C1QTNF3: variants seen among roughly 807,000 people sequenced by gnomAD.
The protein encoded by C1QTNF3 is complement C1q tumor necrosis factor-related protein 3.
In C1QTNF3, 26 loss-of-function variants were observed where a neutral mutation model predicts 32.6. The observed-to-expected ratio is 0.80, with a 90% confidence interval of 0.58 to 1.11. The LOEUF (loss-of-function observed/expected upper bound fraction) is 1.11, where lower values mean the gene tolerates loss of function less well. C1QTNF3 is among the 50% of genes least tolerant of loss of function. The pLI, the probability that C1QTNF3 is intolerant of heterozygous loss-of-function variation, is 0.00. For synonymous variants in C1QTNF3, 155 were observed against 146.0 expected, an observed-to-expected ratio of 1.06 and a Z score of -0.44; for missense variants, 362 against 398.2, an observed-to-expected ratio of 0.91 and a Z score of 0.77.
At chr5:34,058,305 C>T in the C1QTNF3 span, among the ~76,000 whole-genome samples, 2 of 151,968 alleles carry the variant, frequency 1.3e-5, no homozygotes, top group African/African-American at 2.4e-5. Flanking sequence ...ATGGTTTTGT[C>T]ATCATCACTT....
the C1QTNF3 span, among the ~76,000 whole-genome samples, chr5:34,061,806 G>C: frequency 6.6e-6 from 1 of 152,180 alleles, no homozygotes; most frequent in Non-Finnish European, 1.5e-5. Flanking sequence ...TGATGGGAGG[G>C]ACTTCTGTGA....
At chr5:34,212,342 G>A in the C1QTNF3 span, among the ~76,000 whole-genome samples, 1 of 152,068 alleles carries the variant, frequency 6.6e-6, no homozygotes, top group Non-Finnish European at 1.5e-5. Context: ...ACACAGGCAT[G>A]GGCAAGGACT....
the C1QTNF3 span, among the ~76,000 whole-genome samples, chr5:34,129,507 C>A: frequency 1.3e-5 from 2 of 151,894 alleles, no homozygotes; most frequent in Non-Finnish European, 2.9e-5. Context: ...TTATTAGAGG[C>A]GATGGGTATG....
intron 4 of C1QTNF3, among the ~76,000 whole-genome samples, chr5:34,025,150 C>G (rs1394259408): frequency 6.6e-6 from 1 of 152,124 alleles, no homozygotes; most frequent in South Asian, 2.1e-4. Context: ...CATGCCTATT[C>G]ATATGCCTAG....
the C1QTNF3 span, among the ~76,000 whole-genome samples, chr5:34,207,810 CA>C: frequency 6.7e-6 from 1 of 148,678 alleles, no homozygotes; most frequent in Non-Finnish European, 1.5e-5. Context: ...TTTTTTGAGA[CA>C]GAGTCTCACT....
chr5:34,239,970 A>G, the C1QTNF3 span, among the ~76,000 whole-genome samples: 1 of 152,142 alleles, frequency 6.6e-6, no homozygotes, highest in East Asian at 1.9e-4. Context: ...ATATAAATAA[A>G]TATCAACATC....
At position 34,042,860 on chromosome 5, in the gene C1QTNF3, A is replaced by G. The variant is rs1421319999; in HGVS notation, c.266T>C (p.Val89Ala). 1 of 1,614,058 alleles carries G rather than the reference A, an allele frequency of 6.2e-7. No individual in the cohort carries two copies. Among genetic ancestry groups the G allele is most frequent in the African/African-American group, 1.3e-5 (1 of 74,928 alleles). Residue 89 changes from valine to alanine, a missense_variant, in exon 1 of 6, where the codon GTA becomes GCA. Physicochemically the swap from Val to Ala is moderately conservative, Grantham distance 64. Transcript: ENST00000382065. ...TGTGGTGATCTGGGCTAGGTCATCT[A>G]CCTCGGGGTGCGGTAGCTCATCTGG... is the stretch of plus-strand genomic sequence containing the variant. Reference protein sequence around the residue: ...LRPDELPHPEVDDLAQITTFW... With the variant: ...LRPDELPHPEADDLAQITTFW...
the C1QTNF3 span, among the ~76,000 whole-genome samples, chr5:34,110,846 C>A: frequency 1.4e-4 from 22 of 152,228 alleles, no homozygotes; most frequent in African/African-American, 5.1e-4. Flanking sequence ...GTTTTCATAG[C>A]CTGCTTCTGC....
the C1QTNF3 span, chr5:34,167,491 T>C: frequency 6.6e-6 from 1 of 152,226 alleles, no homozygotes. Flanking sequence ...GCAAAGTTCC[T>C]GCCTTCACTG....
intron 2 of C1QTNF3, among the ~76,000 whole-genome samples, chr5:34,034,402 A>T (rs1014818257): frequency 6.6e-6 from 1 of 152,222 alleles, no homozygotes; most frequent in Non-Finnish European, 1.5e-5. Flanking sequence ...ACTGGGGAAA[A>T]GGTAAACTCA....
intron 4 of C1QTNF3, among the ~76,000 whole-genome samples, chr5:34,026,230 A>T (rs1579599681): frequency 6.6e-6 from 1 of 152,306 alleles, no homozygotes; most frequent in East Asian, 1.9e-4. Context: ...TGGAGATAAC[A>T]CGAGGTTGGG....
At chr5:34,161,913 T>C in the C1QTNF3 span, among the ~76,000 whole-genome samples, 2 of 152,178 alleles carry the variant, frequency 1.3e-5, no homozygotes, top group African/African-American at 4.8e-5. Context: ...ATGCATTGTG[T>C]CTCCTTTGGG....
chr5:34,226,173 A>G, the C1QTNF3 span, among the ~76,000 whole-genome samples: 1 of 151,952 alleles, frequency 6.6e-6, no homozygotes, highest in Non-Finnish European at 1.5e-5. Context: ...CTATCTTTAA[A>G]TTTTCTTGAG....
intron 1 of C1QTNF3, among the ~76,000 whole-genome samples, chr5:34,038,679 T>G (rs1754798913): frequency 6.6e-6 from 1 of 152,180 alleles, no homozygotes; most frequent in African/African-American, 2.4e-5. Flanking sequence ...CTGAAGAGAC[T>G]GGGAGTCATC....
At chr5:34,241,937 GA>G in the C1QTNF3 span, among the ~76,000 whole-genome samples, 1 of 127,382 alleles carries the variant, frequency 7.9e-6, no homozygotes, top group African/African-American at 2.9e-5. Flanking sequence ...GGACGGAAGG[GA>G]GGAAGGGAGG....
the C1QTNF3 span, among the ~76,000 whole-genome samples, chr5:34,236,563 CTTTTTTCTTTTTT>C: frequency 6.6e-5 from 3 of 45,340 alleles, no homozygotes; most frequent in East Asian, 9.6e-4. Context: ...TTTCTTTTTT[CTTTTTTCTTTTTT>C]TTTTTTTTTT....
the C1QTNF3 span, among the ~76,000 whole-genome samples, chr5:34,229,642 G>A: frequency 0.014 from 2,155 of 152,274 alleles, 36 homozygotes; most frequent in South Asian, 0.033. Context: ...ACATGTAGAA[G>A]AGGGAGATAT....
the C1QTNF3 span, among the ~76,000 whole-genome samples, chr5:34,231,031 C>G: frequency 5.3e-5 from 8 of 152,128 alleles, no homozygotes; most frequent in Admixed American, 5.2e-4. Flanking sequence ...CTTTGAAAGA[C>G]TCATTTAACT....
intron 1 of C1QTNF3, among the ~76,000 whole-genome samples, chr5:34,037,188 TATTA>T (rs1328599515): frequency 1.3e-5 from 2 of 152,214 alleles, no homozygotes; most frequent in East Asian, 1.9e-4. Flanking sequence ...GCAACTTGCC[TATTA>T]ATTATGTCAT....
Sources: gnomAD v4.1 joint callset for allele counts (sites outside exome capture counted in the v4.1 genomes callset) on GRCh38, gnomAD v4.1.1 for gene constraint, MANE v1.5 for transcripts, NCBI Gene and HGNC (gene_info 2026-07-23, HGNC 2026-07-21) for gene names.